The following RMDN2 variants were observed in gnomAD, a reference collection of about 807,000 sequenced individuals.
RMDN2 encodes regulator of microtubule dynamics 2, also known as regulator of microtubule dynamics protein 2.
A neutral mutation model predicts 52.8 loss-of-function variants in RMDN2; 61 were observed. That is an observed-to-expected ratio of 1.16 (90% CI 0.94 to 1.43). RMDN2 has a LOEUF of 1.43. RMDN2 is among the 40% of genes most tolerant of loss of function. The pLI, the probability that RMDN2 is intolerant of heterozygous loss-of-function variation, is 0.00. For missense variants in RMDN2, 592 were observed against 475.3 expected (o/e 1.25, Z -2.28); for synonymous variants, 180 against 153.1 (o/e 1.18, Z -1.30).
chr2:37,934,817 A>G (rs1395608478), intron 2 of RMDN2, among the ~76,000 whole-genome samples: 1 of 152,052 alleles, frequency 6.6e-6, no homozygotes, highest in Admixed American at 6.5e-5. Flanking sequence ...TATTTTTTTA[A>G]GCTTCCTACC....
chr2:38,017,109 T>C (rs1678907994), intron 10 of RMDN2, 77 bp from the exon 11 acceptor site: 3 of 871,998 alleles, frequency 3.4e-6, no homozygotes. Flanking sequence ...CTCAAGTCAG[T>C]GTAAGTCTGT....
chr2:37,927,309 T>G (rs1308071794), intron 1 of RMDN2, among the ~76,000 whole-genome samples: 1 of 152,200 alleles, frequency 6.6e-6, no homozygotes, highest in Non-Finnish European at 1.5e-5. Context: ...AGGTGACAGT[T>G]TTCACTTCCC....
At chr2:38,063,398 A>G (rs978530831) in intron 10 of RMDN2, among the ~76,000 whole-genome samples, 22 of 152,190 alleles carry the variant, frequency 1.4e-4, no homozygotes, top group Admixed American at 1.0e-3. Context: ...ATGTGTTTTT[A>G]ATTCAAGATG....
chr2:38,021,008 G>C (rs150888070), downstream of RMDN2, among the ~76,000 whole-genome samples: 16 of 152,346 alleles, frequency 1.1e-4, no homozygotes, highest in Non-Finnish European at 2.4e-4. Flanking sequence ...TTTATGTCTA[G>C]CTAAGGGATT....
chr2:37,996,215 A>G (rs766693817), intron 7 of RMDN2, among the ~76,000 whole-genome samples: 5 of 152,220 alleles, frequency 3.3e-5, no homozygotes, highest in Non-Finnish European at 5.9e-5. Context: ...TATTTTTTAC[A>G]AAGTTCAAAG....
chr2:38,008,717 A>T (rs1476715561), intron 10 of RMDN2, among the ~76,000 whole-genome samples: 1 of 152,122 alleles, frequency 6.6e-6, no homozygotes, highest in Non-Finnish European at 1.5e-5. Context: ...TAAAGTTAAT[A>T]TTGTTATGTG....
At chr2:37,962,088 C>A (rs980923275) in intron 2 of RMDN2, among the ~76,000 whole-genome samples, 1 of 152,218 alleles carries the variant, frequency 6.6e-6, no homozygotes, top group Non-Finnish European at 1.5e-5. Context: ...GGCCACCCAC[C>A]AGATGCTGAC....
chr2:37,976,009 GTTAAAGTAACACATC>G (rs1385429890), intron 4 of RMDN2, among the ~76,000 whole-genome samples: 4 of 152,222 alleles, frequency 2.6e-5, no homozygotes, highest in Non-Finnish European at 4.4e-5. Context: ...GTCAACCACA[GTTAAAGTAACACATC>G]TTACTTCCTG....
chr2:37,959,132 G>A (rs936988192), intron 2 of RMDN2, among the ~76,000 whole-genome samples: 3 of 150,956 alleles, frequency 2.0e-5, no homozygotes, highest in African/African-American at 7.5e-5. Context: ...TTGTTTCTCT[G>A]CCAGGTTTTG....
At chr2:37,987,534 G>A (rs547437097) in intron 5 of RMDN2, among the ~76,000 whole-genome samples, 7 of 152,244 alleles carry the variant, frequency 4.6e-5, no homozygotes, top group South Asian at 2.1e-4. Context: ...CAGGGGTTGC[G>A]GGGAGGGAGG....
At chr2:37,938,480 A>T (rs1213767132) in intron 2 of RMDN2, among the ~76,000 whole-genome samples, 1 of 152,048 alleles carries the variant, frequency 6.6e-6, no homozygotes, top group African/African-American at 2.4e-5. Context: ...GTACCGCTCC[A>T]CTTTGTACCT....
chr2:37,924,102 C>A (rs1042039783), upstream of RMDN2, among the ~76,000 whole-genome samples: 1 of 152,098 alleles, frequency 6.6e-6, no homozygotes, highest in Non-Finnish European at 1.5e-5. Flanking sequence ...TTCTTCAATG[C>A]GGCTTGCCTG....
chr2:38,004,091 C>G (rs1382286649), intron 9 of RMDN2, 45 bp from the exon 10 acceptor site: 1 of 1,604,098 alleles, frequency 6.2e-7, no homozygotes, highest in Non-Finnish European at 8.5e-7. Context: ...GAACCTATCG[C>G]ATAAAAACGG....
chr2:37,956,528 T>C (rs1358790425), intron 2 of RMDN2, among the ~76,000 whole-genome samples: 1 of 152,132 alleles, frequency 6.6e-6, no homozygotes, highest in East Asian at 1.9e-4. Flanking sequence ...TATTCTCTAA[T>C]ATGTTTATTT....
intron 10 of RMDN2, among the ~76,000 whole-genome samples, chr2:38,031,704 A>C (rs1680219756): frequency 6.6e-6 from 1 of 152,110 alleles, no homozygotes; most frequent in Admixed American, 6.5e-5. Flanking sequence ...CTTCTTTACA[A>C]AGAGAAGAAA....
Position 37,929,616 on chromosome 2 carries a change from G to GA in RMDN2, c.343dup (p.Ile115AsnfsTer5). Reference sequence around the variant, plus strand: ...AATATATACAAGATGAACTTGGAGGGAAAATAACTGTTCATAAGATAAGCC... The same window carrying GA: ...AATATATACAAGATGAACTTGGAGGGAAAAATAACTGTTCATAAGATAAGCC... On this transcript the variant is annotated frameshift_variant, in exon 2 of 11. Coordinates refer to ENST00000354545, the MANE Select transcript of RMDN2 (RefSeq NM_001170791.3). LOFTEE classifies it high-confidence loss of function. The GA allele has an allele frequency of 6.4e-7, 1 of 1,551,492 alleles. No homozygotes were observed. The highest frequency in any genetic ancestry group is 8.7e-7 in the Non-Finnish European group (1 of 1,146,816).
At chr2:37,951,196 AT>A (rs746884402) in intron 2 of RMDN2, 21 of 1,510,936 alleles carry the variant, frequency 1.4e-5, no homozygotes, top group South Asian at 5.5e-5. Flanking sequence ...TCTGCTCCCT[AT>A]TTTTTTTCCT....
chr2:38,054,875 T>C (rs1188226581), intron 10 of RMDN2, among the ~76,000 whole-genome samples: 1 of 152,154 alleles, frequency 6.6e-6, no homozygotes, highest in Non-Finnish European at 1.5e-5. Context: ...ACATGCTCCA[T>C]AGTAAGGGCT....
chr2:38,030,580 A>G (rs1185626598), intron 10 of RMDN2: 1 of 152,214 alleles, frequency 6.6e-6, no homozygotes. Context: ...ACATGTTAAA[A>G]GTTTTCTTTT....
Sources: gnomAD v4.1 joint callset for allele counts (sites outside exome capture counted in the v4.1 genomes callset) on GRCh38, gnomAD v4.1.1 for gene constraint, MANE v1.5 for transcripts, NCBI Gene and HGNC (gene_info 2026-07-23, HGNC 2026-07-21) for gene names.